The following MICAL3 variants were observed in gnomAD, a reference collection of about 807,000 sequenced individuals.
MICAL3 encodes the protein [F-actin]-monooxygenase MICAL3.
A neutral mutation model predicts 207.4 loss-of-function variants in MICAL3; 62 were observed. That is an observed-to-expected ratio of 0.30 (90% CI 0.24 to 0.37). MICAL3 has a LOEUF of 0.37. MICAL3 is among the 10% of genes least tolerant of loss of function. The pLI is 1.00. For synonymous variants in MICAL3, 1,077 were observed against 1,069.3 expected (o/e 1.01, Z -0.14); for missense variants, 2,368 against 2,635.6 (o/e 0.90, Z 2.22).
intron 16 of MICAL3, chr22:17,876,859 A>C (rs1928526093): frequency 3.7e-5 from 5 of 135,844 alleles, no homozygotes; most frequent in African/African-American, 1.3e-4. Context: ...GAGGTTATGG[A>C]GGTTAGGGAG....
chr22:17,893,745 G>A, intron 11 of MICAL3, 63 bp downstream of exon 11: 2 of 1,199,106 alleles, frequency 1.7e-6, no homozygotes, highest in South Asian at 1.3e-5. Flanking sequence ...GTGGCTCAGG[G>A]AATGAGTATA....
intron 1 of MICAL3, among the ~76,000 whole-genome samples, chr22:17,916,832 A>G (rs1413814522): frequency 1.3e-5 from 2 of 152,064 alleles, no homozygotes. Flanking sequence ...TCTCTTTTGA[A>G]ACTACATCTC....
intron 1 of MICAL3, among the ~76,000 whole-genome samples, chr22:17,926,547 A>G (rs1462272570): frequency 6.6e-6 from 1 of 152,178 alleles, no homozygotes; most frequent in Non-Finnish European, 1.5e-5. Flanking sequence ...GGGCATACAT[A>G]TTCTGCTCCA....
At chr22:17,795,010 TGA>T (rs2061860433) in intron 29 of MICAL3, among the ~76,000 whole-genome samples, 2 of 152,238 alleles carry the variant, frequency 1.3e-5, no homozygotes, top group South Asian at 4.1e-4. Context: ...AAGAGCTGGC[TGA>T]GAGGCCGCTC....
At chr22:18,021,120 G>A (rs1924446622) in intron 1 of MICAL3, among the ~76,000 whole-genome samples, 1 of 152,188 alleles carries the variant, frequency 6.6e-6, no homozygotes, top group African/African-American at 2.4e-5. Flanking sequence ...GATATACATG[G>A]GTTAAGCTGG....
At chr22:17,998,663 C>T (rs1602380113) in intron 1 of MICAL3, among the ~76,000 whole-genome samples, 1 of 151,700 alleles carries the variant, frequency 6.6e-6, no homozygotes, top group African/African-American at 2.4e-5. Context: ...CCCGGTTAAG[C>T]AATTCTCCTG....
At chr22:17,854,142 T>G (rs546240124) in intron 19 of MICAL3, among the ~76,000 whole-genome samples, 15 of 152,306 alleles carry the variant, frequency 9.8e-5, no homozygotes, top group African/African-American at 3.4e-4. Flanking sequence ...TTAGTCTAGA[T>G]CCGTGATTCT....
rs71966425 is a variant in MICAL3 at position 17,843,120 on chromosome 22, C to CAAAAAA, written c.2606-1109_2606-1104dup. On this transcript the variant is annotated intron_variant, in intron 19 of 31. Coordinates refer to ENST00000441493, the MANE Select transcript of MICAL3 (RefSeq NM_015241.3). ...TGGGTGACAAAGCGAGACTTCATCT[C>CAAAAAA]AAAAAAAAAAAAAAAAAAAAAAATC... Among the ~76,000 whole-genome samples, 571 of 62,708 alleles carry CAAAAAA rather than the reference C, an allele frequency of 9.1e-3. 11 individuals are homozygous for CAAAAAA. The highest frequency in any genetic ancestry group is 0.028 in the East Asian group (56 of 1,984). 41.1% of individuals were successfully genotyped at this position (62,708 alleles called of 152,430 possible).
intron 1 of MICAL3, among the ~76,000 whole-genome samples, chr22:17,940,896 C>T (rs886715491): frequency 6.6e-6 from 1 of 152,166 alleles, no homozygotes; most frequent in East Asian, 1.9e-4. Flanking sequence ...AGCCAAATGC[C>T]ATGTAAACTC....
At chr22:17,808,177 A>G (rs549057702) in intron 29 of MICAL3, among the ~76,000 whole-genome samples, 1 of 152,380 alleles carries the variant, frequency 6.6e-6, no homozygotes, top group South Asian at 2.1e-4. Flanking sequence ...GGCAGGAATG[A>G]GCGCACCACA....
chr22:17,988,341 GTTCCTT>G lies in MICAL3; in HGVS notation c.-75+35934_-75+35939del, dbSNP rs1248343445. 1.1e-4 allele frequency among the ~76,000 whole-genome samples: 17 copies of G among 152,212 alleles called. No individual in the cohort carries two copies. In the East Asian group the frequency reaches 2.9e-3, roughly 26 times the overall value. ...CATCCACTGCCAACATCCTGTTCCA[GTTCCTT>G]GTCATGTCACACCTGAATCATCCCC... is the stretch of plus-strand genomic sequence containing the variant. On this transcript the variant is annotated intron_variant, in intron 1 of 31. Coordinates refer to ENST00000441493, the MANE Select transcript of MICAL3 (RefSeq NM_015241.3).
intron 17 of MICAL3, among the ~76,000 whole-genome samples, chr22:17,868,880 C>G (rs1256808150): frequency 6.6e-6 from 1 of 151,870 alleles, no homozygotes; most frequent in African/African-American, 2.4e-5. Context: ...GGCAAGCAGA[C>G]AGAATGGTTC....
intron 19 of MICAL3, among the ~76,000 whole-genome samples, chr22:17,853,065 A>G (rs1925506164): frequency 6.8e-6 from 1 of 147,192 alleles, no homozygotes; most frequent in East Asian, 2.0e-4. Flanking sequence ...ACAGAGCGAG[A>G]CTCCATCTCA....
chr22:17,931,753 A>C lies in MICAL3; in HGVS notation c.-74-24867T>G, dbSNP rs866042715. On this transcript the variant is annotated intron_variant, in intron 1 of 31. Coordinates refer to ENST00000441493, the MANE Select transcript of MICAL3 (RefSeq NM_015241.3). ...TAGAACCTGCACCAGCAGTGTTCTC[A>C]GATACCCTTCTCAGATGTGCACGCA... is the stretch of plus-strand genomic sequence containing the variant. 3.3e-5 allele frequency among the ~76,000 whole-genome samples: 5 copies of C among 152,362 alleles called. 1 individual carries two copies. The Middle Eastern group carries it at 0.01, about 311-fold the overall frequency.
At chr22:17,951,269 G>C (rs1934336671) in intron 1 of MICAL3, among the ~76,000 whole-genome samples, 1 of 151,366 alleles carries the variant, frequency 6.6e-6, no homozygotes, top group Non-Finnish European at 1.5e-5. Flanking sequence ...AGGAGACAGG[G>C]ATCTGGACCC....
chr22:18,012,078 T>C (rs1923777192), intron 1 of MICAL3, among the ~76,000 whole-genome samples: 1 of 151,134 alleles, frequency 6.6e-6, no homozygotes, highest in Admixed American at 6.6e-5. Flanking sequence ...CTACTAAAAA[T>C]AGAAAAATTA....
Position 17,861,763 on chromosome 22 carries a change from G to A in MICAL3, c.2605+3136C>T, listed in dbSNP as rs201534481. The A allele has an allele frequency of 8.1e-6, 8 of 985,272 alleles. No individual in the cohort carries two copies. In the East Asian group the frequency reaches 5.7e-4, roughly 70 times the overall value. The allele number at this position is 985,272 out of a possible 1,614,324, so 61.0% of individuals were successfully genotyped here. ...TTCATAGATTTAAGAACAAAAAAGA[G>A]GATTTCTATATTAAAAGCACATTAC... On this transcript the variant is annotated intron_variant, in intron 19 of 31. Coordinates refer to ENST00000441493, the MANE Select transcript of MICAL3 (RefSeq NM_015241.3).
chr22:17,865,089 A>T (rs1602087622), intron 18 of MICAL3, 103 bp from the exon 19 acceptor site: 3 of 273,328 alleles, frequency 1.1e-5, no homozygotes, highest in Admixed American at 1.3e-4. Flanking sequence ...TTTAAATTTT[A>T]TTTATTTATT....
At chr22:17,973,120 G>A (rs576856443) in intron 1 of MICAL3, among the ~76,000 whole-genome samples, 62 of 152,376 alleles carry the variant, frequency 4.1e-4, no homozygotes, top group African/African-American at 1.5e-3. Flanking sequence ...CTTCTGTGGG[G>A]TGAGTAAGCC....
Sources: gnomAD v4.1 joint callset for allele counts (sites outside exome capture counted in the v4.1 genomes callset) on GRCh38, gnomAD v4.1.1 for gene constraint, MANE v1.5 for transcripts, NCBI Gene and HGNC (gene_info 2026-07-23, HGNC 2026-07-21) for gene names.